Variants in THSD7A observed in about 807,000 individuals in gnomAD.
THSD7A encodes thrombospondin type 1 domain containing 7A.
In THSD7A, 96 loss-of-function variants were observed where a neutral mutation model predicts 231.3. That is an observed-to-expected ratio of 0.41 (90% CI 0.35 to 0.49). THSD7A has a LOEUF of 0.49. THSD7A is among the 20% of genes least tolerant of loss of function. The probability of loss-of-function intolerance (pLI) is 0.05; values close to 1 mark genes in which losing one functional copy is unlikely to be tolerated. For synonymous variants in THSD7A, 940 were observed against 743.3 expected, an observed-to-expected ratio of 1.26 and a Z score of -4.30; for missense variants, 2,290 against 2,070.2, an observed-to-expected ratio of 1.11 and a Z score of -2.06.
At chr7:11,376,042 AT>A (rs1377722238) in intron 27 of THSD7A, among the ~76,000 whole-genome samples, 164 bp from the exon 28 acceptor site, 1 of 152,072 alleles carries the variant, frequency 6.6e-6, no homozygotes, top group East Asian at 1.9e-4. Flanking sequence ...CTGATCTTGA[AT>A]TTCAGTTTTA....
chr7:11,554,711 T>C (rs1789772335), intron 4 of THSD7A, among the ~76,000 whole-genome samples: 1 of 152,038 alleles, frequency 6.6e-6, no homozygotes. Context: ...GGGATTTTTG[T>C]CTATGTATGA....
At chr7:11,535,867 T>C (rs936376182) in intron 6 of THSD7A, among the ~76,000 whole-genome samples, 7 of 152,144 alleles carry the variant, frequency 4.6e-5, no homozygotes, top group African/African-American at 1.7e-4. Context: ...GCAAATCTTA[T>C]TTAGGTGAGT....
At chr7:11,648,867 G>T (rs545259100) in intron 1 of THSD7A, among the ~76,000 whole-genome samples, 2 of 152,028 alleles carry the variant, frequency 1.3e-5, no homozygotes, top group African/African-American at 2.4e-5. Flanking sequence ...TGACTGAGCA[G>T]CTTGCTTCAA....
At chr7:11,825,437 T>C (rs78469406) in intron 1 of THSD7A, among the ~76,000 whole-genome samples, 1,873 of 152,238 alleles carry the variant, frequency 0.012, 98 homozygotes, top group Admixed American at 0.094. Context: ...GAGTATCTAC[T>C]AGTCTGGTTA....
intron 13 of THSD7A, among the ~76,000 whole-genome samples, chr7:11,440,933 A>G (rs972536575): frequency 3.3e-5 from 5 of 152,180 alleles, no homozygotes; most frequent in Admixed American, 1.3e-4. Flanking sequence ...ACAACATTGC[A>G]TGCAACAGAG....
At chr7:11,499,374 T>A (rs1453288265) in intron 6 of THSD7A, among the ~76,000 whole-genome samples, 1 of 152,224 alleles carries the variant, frequency 6.6e-6, no homozygotes, top group East Asian at 1.9e-4. Flanking sequence ...GATGTCTTCC[T>A]CTGTTGCCCC....
intron 11 of THSD7A, among the ~76,000 whole-genome samples, chr7:11,457,775 C>T (rs1785357359): frequency 1.3e-5 from 2 of 152,010 alleles, no homozygotes; most frequent in South Asian, 4.1e-4. Context: ...TTTTTCTTAC[C>T]TCAAACACTT....
intron 1 of THSD7A, among the ~76,000 whole-genome samples, chr7:11,757,854 C>T (rs1018421902): frequency 6.6e-6 from 1 of 151,224 alleles, no homozygotes; most frequent in African/African-American, 2.4e-5. Context: ...GTGTTAATTA[C>T]TAATGTTCAG....
In THSD7A at chr7:11,428,928, T is replaced by C. The variant is rs775142154; in HGVS notation, c.3243+19A>G. ...GTGAATCTCAACAATATCTTAACAC[T>C]GTCAATGATAGAAAATACCTGGTTG... is the stretch of plus-strand genomic sequence containing the variant. On this transcript the variant is annotated intron_variant, in intron 14 of 27. Transcript: ENST00000423059. 1 of 1,594,336 alleles carries C rather than the reference T, an allele frequency of 6.3e-7. No individual in the cohort carries two copies. Among genetic ancestry groups the C allele is most frequent in the East Asian group, 2.3e-5 (1 of 43,776 alleles).
intron 19 of THSD7A, chr7:11,410,634 T>A (rs192466907): frequency 6.6e-6 from 1 of 152,324 alleles, no homozygotes; most frequent in East Asian, 1.9e-4. Flanking sequence ...CATCTAGGTG[T>A]GACATTACTT....
At chr7:11,524,801 A>T (rs576323308) in intron 6 of THSD7A, among the ~76,000 whole-genome samples, 1 of 152,298 alleles carries the variant, frequency 6.6e-6, no homozygotes, top group Admixed American at 6.5e-5. Context: ...ATCAACACAC[A>T]CTTAATTCAG....
chr7:11,654,054 A>G (rs1356991729), intron 1 of THSD7A, among the ~76,000 whole-genome samples: 1 of 151,846 alleles, frequency 6.6e-6, no homozygotes, highest in Non-Finnish European at 1.5e-5. Context: ...TCTGTGTAGG[A>G]ACTCAAAGTT....
intron 1 of THSD7A, among the ~76,000 whole-genome samples, chr7:11,727,057 G>A (rs1312682157): frequency 6.6e-6 from 1 of 151,914 alleles, no homozygotes; most frequent in Admixed American, 6.6e-5. Flanking sequence ...AATTACTTTT[G>A]CATTTAATCT....
At chr7:11,734,026 T>C (rs971549270) in intron 1 of THSD7A, among the ~76,000 whole-genome samples, 1 of 151,904 alleles carries the variant, frequency 6.6e-6, no homozygotes, top group African/African-American at 2.4e-5. Context: ...TCTTCCCTTC[T>C]AACCTCTTTC....
In THSD7A at chr7:11,512,479, T is replaced by C. The variant is rs181834932; in HGVS notation, c.1822+28940A>G. ...TAAATCATGCTGCTATAAAGACACA[T>C]GCACACATATTTTTATTTTGGCACT... On this transcript the variant is annotated intron_variant, in intron 6 of 27. Coordinates refer to ENST00000423059, the MANE Select transcript of THSD7A (RefSeq NM_015204.3). 2.1e-4 allele frequency among the ~76,000 whole-genome samples: 32 copies of C among 152,258 alleles called. 1 individual carries two copies. In the East Asian group the frequency reaches 5.8e-3, roughly 28 times the overall value.
intron 4 of THSD7A, among the ~76,000 whole-genome samples, chr7:11,570,502 A>T (rs926723126): frequency 3.3e-5 from 5 of 152,202 alleles, no homozygotes; most frequent in Non-Finnish European, 7.3e-5. Context: ...AACGTTCCCA[A>T]CACAAAGAAA....
At chr7:11,646,506 T>C (rs1782288161) in intron 1 of THSD7A, among the ~76,000 whole-genome samples, 1 of 152,014 alleles carries the variant, frequency 6.6e-6, no homozygotes, top group Non-Finnish European at 1.5e-5. Flanking sequence ...AAATAGGTTG[T>C]CTTAAAATTG....
chr7:11,773,323 G>A (rs1024436991), intron 1 of THSD7A, among the ~76,000 whole-genome samples: 2 of 152,048 alleles, frequency 1.3e-5, no homozygotes, highest in Admixed American at 6.5e-5. Context: ...CATCTAGGTC[G>A]GGAGTTCGTG....
chr7:11,466,955 C>T (rs952790162), intron 9 of THSD7A, among the ~76,000 whole-genome samples: 9 of 152,092 alleles, frequency 5.9e-5, no homozygotes, highest in African/African-American at 2.2e-4. Context: ...CTCCCCAGCT[C>T]CAGGTCATTC....
Sources: allele counts gnomAD v4.1 joint callset (sites outside exome capture counted in the v4.1 genomes callset), GRCh38; gene constraint gnomAD v4.1.1; transcripts MANE v1.5; gene names NCBI Gene and HGNC (gene_info 2026-07-23, HGNC 2026-07-21).